The following CNIH3 variants were observed in gnomAD, a reference collection of about 807,000 sequenced individuals.
The protein encoded by CNIH3 is protein cornichon homolog 3.
Under a neutral mutation model 24.1 loss-of-function variants are expected in CNIH3, and 14 were observed. That is an observed-to-expected ratio of 0.58 (90% confidence interval 0.38 to 0.91). The LOEUF is 0.91. Among genes scored for constraint, CNIH3 ranks in the 40% least tolerant of loss-of-function variants. CNIH3 has a pLI of 0.00. For missense variants in CNIH3, 178 were observed against 196.8 expected (o/e 0.90, Z 0.57); for synonymous variants, 68 against 73.8 (o/e 0.92, Z 0.40).
rs571758142 is a variant in CNIH3, at chr1:224,595,476, C to T, written n.402+29212C>T. On this transcript the variant is annotated intron_variant and non_coding_transcript_variant, in intron 3 of 7. Transcript: ENST00000478120. ...CTCCATCAACTAGCCATTCCCCTAT[C>T]TGTCTCCTTTTCCTTGGACCTTTCT... 2.8e-4 allele frequency among the ~76,000 whole-genome samples: 43 copies of T among 152,360 alleles called. 1 individual carries two copies. The South Asian group carries it at 7.7e-3, about 27-fold the overall frequency.
rs563067388 is a variant in CNIH3, at chr1:224,639,938, C to T, written c.81+22683C>T. On this transcript the variant is annotated intron_variant, in intron 1 of 5. Transcript: ENST00000272133. Reference sequence around the variant, plus strand: ...CTTTTGAGGCCGTAACGATGTATCACCTCCATGTATTGAGTTATGATTTTG... The same window carrying T: ...CTTTTGAGGCCGTAACGATGTATCATCTCCATGTATTGAGTTATGATTTTG... Among the ~76,000 whole-genome samples, 163 of 152,332 alleles carry T rather than the reference C, an allele frequency of 1.1e-3. 3 individuals carry two copies. Among genetic ancestry groups the T allele is most frequent in the African/African-American group, 3.8e-3 (157 of 41,582 alleles).
chr1:224,716,736 G>A (rs902492113), intron 3 of CNIH3, among the ~76,000 whole-genome samples: 1 of 152,164 alleles, frequency 6.6e-6, no homozygotes, highest in Middle Eastern at 3.2e-3. Context: ...GGGGTGAGGA[G>A]GAAAGTTCCC....
At chr1:224,538,206 C>T (rs1679367459), downstream of CNIH3, among the ~76,000 whole-genome samples, 1 of 152,146 alleles carries the variant, frequency 6.6e-6, no homozygotes, top group Admixed American at 6.5e-5. Context: ...GCATCAGCCT[C>T]CCAAAGTGCT....
intron 1 of CNIH3, among the ~76,000 whole-genome samples, chr1:224,638,960 C>T (rs1279024852): frequency 6.6e-6 from 1 of 152,164 alleles, no homozygotes; most frequent in African/African-American, 2.4e-5. Flanking sequence ...TCTTACCTGC[C>T]AGTTTCCCTT....
intron 1 of CNIH3, among the ~76,000 whole-genome samples, chr1:224,676,958 G>A (rs964834823): frequency 2.0e-5 from 3 of 152,098 alleles, no homozygotes; most frequent in Admixed American, 6.5e-5. Context: ...AATGTCTTCC[G>A]ACTCCTTATT....
rs543901327 is a variant in CNIH3, at chr1:224,617,085, C to G, written c.-90C>G. 2 of 1,555,780 alleles carry G rather than the reference C, an allele frequency of 1.3e-6. No individual in the cohort carries two copies. The highest frequency in any genetic ancestry group is 4.5e-5 in the East Asian group (2 of 44,098). On this transcript the variant is annotated 5_prime_UTR_variant, in exon 1 of 6. Coordinates refer to ENST00000272133, the MANE Select transcript of CNIH3 (RefSeq NM_152495.2). ...TAGCCTGGAGAGGAGCGTGCAGACG[C>G]GGCTCCTTGGAGGGAGTGCGGTCCT...
intron 5 of CNIH3, among the ~76,000 whole-genome samples, chr1:224,585,676 G>A (rs984904285): frequency 6.8e-6 from 1 of 146,590 alleles, no homozygotes; most frequent in South Asian, 2.3e-4. Context: ...TAGAGATGGG[G>A]GTCTCACTAT....
rs1435526983 is a variant in CNIH3 at position 224,552,721 on chromosome 1, T to TTA, written n.450+5792_450+5793dup. On this transcript the variant is annotated intron_variant and non_coding_transcript_variant, in intron 3 of 5. Coordinates refer to the CNIH3 transcript ENST00000471578. ...AGGAGTAATGTATCTCGCTTAGATA[T>TTA]TATATATATATCTTAGATATTATGA... Among the ~76,000 whole-genome samples, 5 of 151,404 alleles carry TTA rather than the reference T, an allele frequency of 3.3e-5. 1 individual carries two copies. Among genetic ancestry groups the TTA allele is most frequent in the African/African-American group, 4.9e-5 (2 of 41,214 alleles).
intron 1 of CNIH3, among the ~76,000 whole-genome samples, chr1:224,630,996 T>A (rs1490807581): frequency 6.6e-6 from 1 of 151,946 alleles, no homozygotes; most frequent in African/African-American, 2.4e-5. Context: ...CCATCTCTAC[T>A]AAAAATAGAA....
At chr1:224,738,186 C>T (rs1027601419) in intron 5 of CNIH3, among the ~76,000 whole-genome samples, 20 of 152,238 alleles carry the variant, frequency 1.3e-4, no homozygotes, top group African/African-American at 4.8e-4. Flanking sequence ...TGTATGCTTC[C>T]TCAAGGCAGG....
upstream of CNIH3, among the ~76,000 whole-genome samples, chr1:224,511,682 C>T (rs530890356): frequency 1.7e-4 from 26 of 151,614 alleles, no homozygotes; most frequent in Non-Finnish European, 3.1e-4. Flanking sequence ...AGCGAGACTC[C>T]TTGCCTATAA....
chr1:224,658,862 A>T (rs377226604), intron 1 of CNIH3, among the ~76,000 whole-genome samples: 27 of 152,340 alleles, frequency 1.8e-4, no homozygotes, highest in African/African-American at 5.0e-4. Context: ...TAAGTTCAGT[A>T]AAACCTTATA....
Position 224,726,052 on chromosome 1 carries a change from T to C in CNIH3, c.199-4410T>C, listed in dbSNP as rs1689009294. Among the ~76,000 whole-genome samples the C allele has an allele frequency of 5.9e-5, 9 of 152,206 alleles. No homozygotes were observed. In the South Asian group the frequency reaches 1.9e-3, roughly 31 times the overall value. On this transcript the variant is annotated intron_variant, in intron 3 of 5. Transcript: ENST00000272133. ...ATAACTAGAAATAAAATATTTAGAATGCAGACAAGTAAAATTCCTGGAAAA... is the reference window on the plus strand; with the variant it reads ...ATAACTAGAAATAAAATATTTAGAACGCAGACAAGTAAAATTCCTGGAAAA...
Position 224,527,590 on chromosome 1 carries a change from A to G in CNIH3, n.343+6263A>G, listed in dbSNP as rs1678894119. Reference sequence around the variant, plus strand: ...TATAGCACAACATGATTTTACTAAAACCCTACGATGGAATCTTATGCAGAA... The same window carrying G: ...TATAGCACAACATGATTTTACTAAAGCCCTACGATGGAATCTTATGCAGAA... On this transcript the variant is annotated intron_variant and non_coding_transcript_variant, in intron 2 of 2. Transcript: ENST00000470602. 1.3e-5 allele frequency among the ~76,000 whole-genome samples: 2 copies of G among 152,136 alleles called. 1 individual carries two copies. Among genetic ancestry groups the G allele is most frequent in the South Asian group, 4.1e-4 (2 of 4,824 alleles).
intron 1 of CNIH3, among the ~76,000 whole-genome samples, chr1:224,464,239 T>C (rs1676063925): frequency 1.3e-5 from 2 of 152,174 alleles, no homozygotes; most frequent in Admixed American, 1.3e-4. Context: ...TTTTCTCCAG[T>C]GTTTTCTTCT....
intron 1 of CNIH3, among the ~76,000 whole-genome samples, chr1:224,481,173 C>T (rs1676797408): frequency 6.6e-6 from 1 of 152,218 alleles, no homozygotes; most frequent in Non-Finnish European, 1.5e-5. Context: ...CATCAGATCT[C>T]ATGAGACTTA....
chr1:224,466,970 A>G (rs1676173973), intron 1 of CNIH3, among the ~76,000 whole-genome samples: 1 of 152,126 alleles, frequency 6.6e-6, no homozygotes, highest in South Asian at 2.1e-4. Flanking sequence ...TATATTCTAG[A>G]TACTAAATCC....
intron 1 of CNIH3, chr1:224,454,275 C>G: frequency 7.2e-6 from 2 of 279,666 alleles, no homozygotes; most frequent in Non-Finnish European, 4.4e-6. Context: ...TTTTTTTTTT[C>G]AGATCTCTGC....
intron 1 of CNIH3, among the ~76,000 whole-genome samples, chr1:224,671,840 TC>T (rs1315842352): frequency 2.0e-5 from 3 of 151,912 alleles, no homozygotes; most frequent in Non-Finnish European, 4.4e-5. Flanking sequence ...CCATGTAGAG[TC>T]CCCAAGAGGC....
Sources: gnomAD v4.1 joint callset for allele counts (sites outside exome capture counted in the v4.1 genomes callset) on GRCh38, gnomAD v4.1.1 for gene constraint, MANE v1.5 for transcripts, NCBI Gene and HGNC (gene_info 2026-07-23, HGNC 2026-07-21) for gene names.